The following USH2A variants were observed in gnomAD, a reference collection of about 807,000 sequenced individuals.
USH2A encodes usherin.
A neutral mutation model predicts 538.9 loss-of-function variants in USH2A; 443 were observed. The ratio of observed to expected loss-of-function variants is 0.82; its 90% CI spans 0.76 to 0.89. The LOEUF is 0.89. Among genes scored for constraint, USH2A ranks in the 40% least tolerant of loss-of-function variants. The probability of loss-of-function intolerance (pLI) is 0.00; values close to 1 mark genes in which losing one functional copy is unlikely to be tolerated. For missense variants in USH2A, 6,633 were observed against 6,324.8 expected, an observed-to-expected ratio of 1.05 and a Z score of -1.65; for synonymous variants, 2,413 against 2,273.5, an observed-to-expected ratio of 1.06 and a Z score of -1.75.
intron 16 of USH2A, chr1:216,204,030 GA>G: frequency 1.2e-5 from 2 of 163,424 alleles, no homozygotes. Context: ...CTTCCTGCAG[GA>G]AAAAGGATAT....
At chr1:215,743,386 A>ATATATATATATATATATATATG (rs878870284) in intron 58 of USH2A, 51 bp from the exon 59 acceptor site, 1 of 310,004 alleles carries the variant, frequency 3.2e-6, no homozygotes, top group African/African-American at 3.3e-5. Context: ...ATATATATAT[A>ATATATATATATATATATATATG]TGTGTGTGTG....
At chr1:215,798,860 G>T (rs746771093) in intron 50 of USH2A, 47 bp downstream of exon 50, 8 of 1,608,014 alleles carry the variant, frequency 5.0e-6, no homozygotes, top group African/African-American at 1.3e-5. Context: ...CACTCTCTCT[G>T]CTTCTCAGAT....
chr1:216,379,913 C>A (rs2038899836), intron 3 of USH2A, among the ~76,000 whole-genome samples: 2 of 152,162 alleles, frequency 1.3e-5, no homozygotes, highest in Admixed American at 1.3e-4. Flanking sequence ...TACAAGGGAA[C>A]AGAAAACAAA....
At chr1:216,262,938 A>C (rs748921570) in intron 11 of USH2A, among the ~76,000 whole-genome samples, 3 of 152,150 alleles carry the variant, frequency 2.0e-5, no homozygotes, top group Non-Finnish European at 4.4e-5. Flanking sequence ...AGAAATGAAA[A>C]AGGAGACACT....
chr1:216,214,669 C>T (rs2035309379), intron 15 of USH2A, among the ~76,000 whole-genome samples: 1 of 151,786 alleles, frequency 6.6e-6, no homozygotes, highest in Admixed American at 6.6e-5. Flanking sequence ...AAACCATATA[C>T]TTAAAATTGT....
rs2030535638 is a variant in USH2A, at chr1:216,046,681, A to G, written c.6164-89T>C. On this transcript the variant is annotated intron_variant, in intron 31 of 71. Coordinates refer to ENST00000307340, the MANE Select transcript of USH2A (RefSeq NM_206933.4). ...CCCAAACCAATAAATCATGGAATAA[A>G]CCTGAAATCCCATGCATGGAAATAT... The G allele has an allele frequency of 2.7e-6, 4 of 1,474,312 alleles. No homozygotes were observed. The Admixed American group carries it at 7.1e-5, about 26-fold the overall frequency. The allele number at this position is 1,474,312 out of a possible 1,614,324, so 91.3% of individuals were successfully genotyped here.
intron 61 of USH2A, among the ~76,000 whole-genome samples, chr1:215,713,782 C>T (rs1172085098): frequency 1.3e-5 from 2 of 152,170 alleles, no homozygotes; most frequent in East Asian, 3.8e-4. Context: ...TCCTATTGAA[C>T]TATAATTTGT....
chr1:216,143,981 T>C (rs2033647278), intron 21 of USH2A, among the ~76,000 whole-genome samples: 1 of 152,188 alleles, frequency 6.6e-6, no homozygotes, highest in Non-Finnish European at 1.5e-5. Flanking sequence ...AGTAGCTATA[T>C]CAAGACTTTC....
rs758621615 is a variant in USH2A at position 215,786,806 on chromosome 1, G to A, written c.10251C>T (p.Asp3417=). Residue 3417 remains aspartate, a synonymous_variant, in exon 52 of 72, where the codon GAC becomes GAT. Coordinates refer to ENST00000307340, the MANE Select transcript of USH2A (RefSeq NM_206933.4). ...MEATEHCGRC[D]FNFTSHICTV... is the part of the protein sequence containing the mutation. Reference sequence around the variant, plus strand: ...TGCAAATGTGGCTGGTAAAGTTGAAGTCACACCTGCCACAATGTTCTGTGG... The same window carrying A: ...TGCAAATGTGGCTGGTAAAGTTGAAATCACACCTGCCACAATGTTCTGTGG... 1 of 1,613,242 alleles carries A rather than the reference G, an allele frequency of 6.2e-7. No homozygotes were observed. Among genetic ancestry groups the A allele is most frequent in the Non-Finnish European group, 8.5e-7 (1 of 1,179,834 alleles).
intron 21 of USH2A, among the ~76,000 whole-genome samples, chr1:216,144,926 C>T (rs1014642707): frequency 6.6e-6 from 1 of 152,132 alleles, no homozygotes; most frequent in African/African-American, 2.4e-5. Flanking sequence ...CATATTCACA[C>T]CAGGACTTTG....
intron 3 of USH2A, among the ~76,000 whole-genome samples, chr1:216,373,653 C>T (rs902981072): frequency 6.6e-5 from 10 of 152,056 alleles, no homozygotes; most frequent in Non-Finnish European, 1.5e-4. Context: ...CAAAGTTATT[C>T]GTATATCATT....
Position 215,648,518 on chromosome 1 carries a change from GA to G in USH2A, c.14582+9del, listed in dbSNP as rs774834619. The G allele has an allele frequency of 6.2e-7, 1 of 1,612,874 alleles. No homozygotes were observed. The highest frequency in any genetic ancestry group is 1.7e-5 in the Admixed American group (1 of 60,014). ...TGTTAGTTTCTTCATCCTTCTGCCT[GA>G]CCCATTACCTGTGAATGACACCATT... On this transcript the variant is annotated intron_variant, in intron 66 of 71. Coordinates refer to ENST00000307340, the MANE Select transcript of USH2A (RefSeq NM_206933.4).
chr1:215,887,199 G>A (rs1256597055), intron 41 of USH2A, among the ~76,000 whole-genome samples: 5 of 152,076 alleles, frequency 3.3e-5, no homozygotes, highest in African/African-American at 1.2e-4. Flanking sequence ...AATCAGTAAC[G>A]CCTAGTTATA....
chr1:215,811,386 G>C (rs927663189), intron 49 of USH2A, among the ~76,000 whole-genome samples: 1 of 151,940 alleles, frequency 6.6e-6, no homozygotes, highest in African/African-American at 2.4e-5. Context: ...GGTGTTCAAC[G>C]TATTTTTCAC....
chr1:215,795,940 ATATT>A (rs749107445), intron 50 of USH2A, among the ~76,000 whole-genome samples: 1 of 152,214 alleles, frequency 6.6e-6, no homozygotes, highest in African/African-American at 2.4e-5. Context: ...AATTTTTGAA[ATATT>A]TATTAATGCA....
Position 215,644,304 on chromosome 1 carries a change from G to T in USH2A, c.14791+3218C>A, listed in dbSNP as rs375622822. 4.6e-5 allele frequency among the ~76,000 whole-genome samples: 7 copies of T among 152,164 alleles called. 1 individual carries two copies. Among genetic ancestry groups the T allele is most frequent in the African/African-American group, 1.4e-4 (6 of 41,434 alleles). On this transcript the variant is annotated intron_variant, in intron 67 of 71. Coordinates refer to ENST00000307340, the MANE Select transcript of USH2A (RefSeq NM_206933.4). ...CCTGTCCAATGTAAGCTGGTTATGA[G>T]AAATTCAGAGGGAGATGTCTGTGAG...
At chr1:216,045,515 C>T (rs940662980) in intron 32 of USH2A, among the ~76,000 whole-genome samples, 5 of 152,136 alleles carry the variant, frequency 3.3e-5, no homozygotes, top group African/African-American at 1.2e-4. Context: ...TTAAAGTATT[C>T]GTGTGGTACA....
intron 21 of USH2A, among the ~76,000 whole-genome samples, chr1:216,132,761 C>T (rs2033403162): frequency 1.3e-5 from 2 of 152,112 alleles, no homozygotes; most frequent in African/African-American, 4.8e-5. Flanking sequence ...CAGGAACTCT[C>T]ATGGTGGCAT....
At chr1:216,067,179 C>A (rs917906550) in intron 30 of USH2A, among the ~76,000 whole-genome samples, 3 of 152,178 alleles carry the variant, frequency 2.0e-5, no homozygotes, top group Non-Finnish European at 2.9e-5. Context: ...CCAAACACTG[C>A]GAGTTCTCAC....
Sources: allele counts gnomAD v4.1 joint callset (sites outside exome capture counted in the v4.1 genomes callset), GRCh38; gene constraint gnomAD v4.1.1; transcripts MANE v1.5; gene names NCBI Gene and HGNC (gene_info 2026-07-23, HGNC 2026-07-21).